Variants in SWT1 observed in about 807,000 individuals in gnomAD.
SWT1 encodes SWT1 RNA endoribonuclease homolog, also known as transcriptional protein SWT1.
Under a neutral mutation model 107.3 loss-of-function variants are expected in SWT1, and 33 were observed. The observed-to-expected ratio is 0.31, with a 90% CI of 0.23 to 0.41. SWT1 has a LOEUF of 0.41. Ranked by LOEUF, SWT1 falls within the 10% of genes least tolerant of loss-of-function variation. The probability of loss-of-function intolerance (pLI) is 1.00; values close to 1 mark genes in which losing one functional copy is unlikely to be tolerated. For synonymous variants in SWT1, 345 were observed against 348.3 expected, an observed-to-expected ratio of 0.99 and a Z score of 0.11; for missense variants, 898 against 1,028.9, an observed-to-expected ratio of 0.87 and a Z score of 1.74.
intron 16 of SWT1, among the ~76,000 whole-genome samples, chr1:185,252,566 T>G (rs1558076250): frequency 6.6e-6 from 1 of 152,144 alleles, no homozygotes; most frequent in Non-Finnish European, 1.5e-5. Context: ...GTTTTTTGGC[T>G]GCATAAATGT....
chr1:185,167,859 T>G (rs570737780), intron 3 of SWT1, among the ~76,000 whole-genome samples: 2 of 152,308 alleles, frequency 1.3e-5, no homozygotes, highest in African/African-American at 4.8e-5. Context: ...TTTTCCTCTT[T>G]AGGTGGTTGG....
chr1:185,286,397 T>C (rs1205893562), intron 18 of SWT1, among the ~76,000 whole-genome samples: 1 of 152,084 alleles, frequency 6.6e-6, no homozygotes, highest in East Asian at 1.9e-4. Flanking sequence ...CTAATTTTTG[T>C]ATGTTTTTAG....
chr1:185,260,192 A>C (rs1394955441), intron 16 of SWT1, among the ~76,000 whole-genome samples: 11 of 152,294 alleles, frequency 7.2e-5, no homozygotes, highest in East Asian at 5.8e-4. Context: ...CTGTGATGCC[A>C]GAAATTTGAG....
chr1:185,211,041 G>A (rs1390481872), intron 13 of SWT1, among the ~76,000 whole-genome samples: 3 of 152,152 alleles, frequency 2.0e-5, no homozygotes, highest in Non-Finnish European at 2.9e-5. Context: ...GGAAGTAAGA[G>A]AGGACACAAA....
At chr1:185,211,965 C>T (rs1275867468) in intron 13 of SWT1, among the ~76,000 whole-genome samples, 2 of 151,794 alleles carry the variant, frequency 1.3e-5, no homozygotes, top group Non-Finnish European at 2.9e-5. Context: ...GACAAAAAAC[C>T]AAACACTACA....
chr1:185,176,505 G>A (rs1200414669), intron 5 of SWT1: 1 of 924,034 alleles, frequency 1.1e-6, no homozygotes, highest in Non-Finnish European at 1.3e-6. Flanking sequence ...TAATGTAATT[G>A]CCATTTATGG....
At chr1:185,206,189 C>A (rs1172063767) in intron 12 of SWT1, among the ~76,000 whole-genome samples, 1 of 152,108 alleles carries the variant, frequency 6.6e-6, no homozygotes, top group Non-Finnish European at 1.5e-5. Context: ...GAACTCCTGA[C>A]CTTGTGATAC....
intron 16 of SWT1, among the ~76,000 whole-genome samples, chr1:185,258,224 C>G (rs1391698154): frequency 6.6e-6 from 1 of 152,142 alleles, no homozygotes; most frequent in East Asian, 1.9e-4. Flanking sequence ...CAGTATTATT[C>G]AGATCCTGAA....
chr1:185,195,687 A>C (rs1272437834), intron 10 of SWT1, among the ~76,000 whole-genome samples: 1 of 152,160 alleles, frequency 6.6e-6, no homozygotes, highest in Non-Finnish European at 1.5e-5. Context: ...AATGATTGCC[A>C]TTCTAACTGG....
intron 16 of SWT1, among the ~76,000 whole-genome samples, chr1:185,252,379 C>A (rs1032943554): frequency 1.1e-4 from 17 of 151,970 alleles, no homozygotes; most frequent in African/African-American, 4.1e-4. Context: ...AATGGTTGAA[C>A]TAGTTTATAG....
intron 14 of SWT1, among the ~76,000 whole-genome samples, chr1:185,220,138 CAAAAAAAAAAAAA>C (rs34674504): frequency 4.4e-5 from 2 of 45,636 alleles, no homozygotes; most frequent in Non-Finnish European, 7.4e-5. Context: ...GACCCTGTCT[CAAAAAAAAAAAAA>C]AAAAAAAAAA....
chr1:185,195,767 CAT>C (rs1657334332), intron 10 of SWT1, among the ~76,000 whole-genome samples: 1 of 152,140 alleles, frequency 6.6e-6, no homozygotes, highest in Non-Finnish European at 1.5e-5. Context: ...AGCCTTTTTC[CAT>C]ATGTTTGTTG....
At chr1:185,173,271 A>G (rs2102339782) in intron 4 of SWT1, among the ~76,000 whole-genome samples, 1 of 152,234 alleles carries the variant, frequency 6.6e-6, no homozygotes, top group Middle Eastern at 3.4e-3. Flanking sequence ...CATCTAACAA[A>G]TACCATTTCC....
chr1:185,239,693 C>T (rs1350897147), intron 16 of SWT1, among the ~76,000 whole-genome samples: 4 of 151,846 alleles, frequency 2.6e-5, no homozygotes, highest in African/African-American at 9.7e-5. Flanking sequence ...TAGCCAAGGA[C>T]AATGTTGATA....
chr1:185,167,140 T>C (rs767778269), intron 3 of SWT1, among the ~76,000 whole-genome samples: 2 of 152,176 alleles, frequency 1.3e-5, no homozygotes, highest in Admixed American at 6.5e-5. Context: ...ACTCCTGACC[T>C]CAAGTGATCT....
At chr1:185,277,106 A>T (rs1208834850) in intron 18 of SWT1, among the ~76,000 whole-genome samples, 1 of 152,196 alleles carries the variant, frequency 6.6e-6, no homozygotes, top group African/African-American at 2.4e-5. Context: ...CAAATCTTTT[A>T]ATGACTGGCT....
intron 16 of SWT1, chr1:185,251,513 G>T (rs1662018309): frequency 6.6e-6 from 1 of 152,012 alleles, no homozygotes; most frequent in South Asian, 2.1e-4. Flanking sequence ...CTGTAATTGT[G>T]GGATTTTCAA....
intron 8 of SWT1, 144 bp from the exon 9 acceptor site, chr1:185,184,599 T>A: frequency 1.7e-6 from 1 of 598,926 alleles, no homozygotes; most frequent in Middle Eastern, 4.4e-4. Flanking sequence ...AATTTCCATT[T>A]TATAATATAT....
At chr1:185,259,374 C>T (rs573871055) in intron 16 of SWT1, among the ~76,000 whole-genome samples, 4 of 152,226 alleles carry the variant, frequency 2.6e-5, no homozygotes, top group African/African-American at 9.6e-5. Context: ...GAAGAAACTA[C>T]GTGGTCATTT....
Sources: allele counts gnomAD v4.1 joint callset (sites outside exome capture counted in the v4.1 genomes callset), GRCh38; gene constraint gnomAD v4.1.1; transcripts MANE v1.5; gene names NCBI Gene and HGNC (gene_info 2026-07-23, HGNC 2026-07-21).